PAX3: variants seen among roughly 807,000 people sequenced by gnomAD.
PAX3 encodes paired box protein Pax-3.
Under a neutral mutation model 51.6 loss-of-function variants are expected in PAX3, and 14 were observed. The observed-to-expected ratio is 0.27, with a 90% confidence interval of 0.18 to 0.42. The LOEUF is 0.42. Among genes scored for constraint, PAX3 ranks in the 10% least tolerant of loss-of-function variants. PAX3 has a pLI of 1.00. For missense variants in PAX3, 540 were observed against 642.8 expected (o/e 0.84, Z 1.73); for synonymous variants, 280 against 253.4 (o/e 1.11, Z -1.00).
chr2:222,224,705 A>G (rs148878997), intron 5 of PAX3, among the ~76,000 whole-genome samples: 313 of 152,344 alleles, frequency 2.1e-3, no homozygotes, highest in African/African-American at 7.0e-3. Context: ...AGTCTTAGAT[A>G]ACTCTTTCAA....
intron 4 of PAX3, among the ~76,000 whole-genome samples, chr2:222,280,468 GTTTAGTTTCAATTT>G (rs1694607643): frequency 6.6e-6 from 1 of 152,064 alleles, no homozygotes; most frequent in African/African-American, 2.4e-5. Context: ...CTGTGCAATG[GTTTAGTTTCAATTT>G]TCCTAAAAAG....
At chr2:222,257,880 T>C (rs1693707577) in intron 4 of PAX3, among the ~76,000 whole-genome samples, 2 of 151,802 alleles carry the variant, frequency 1.3e-5, no homozygotes, top group Admixed American at 1.3e-4. Flanking sequence ...GCTCAGGGAG[T>C]TCCCACACCA....
intron 7 of PAX3, among the ~76,000 whole-genome samples, chr2:222,218,901 G>A (rs965028234): frequency 5.3e-5 from 8 of 152,052 alleles, no homozygotes; most frequent in South Asian, 2.1e-4. Context: ...GCCTTTAGGC[G>A]GAAATGTTTA....
intron 7 of PAX3, among the ~76,000 whole-genome samples, chr2:222,203,872 CA>C (rs45459201): frequency 0.056 from 8,497 of 152,208 alleles, 798 homozygotes; most frequent in African/African-American, 0.19. Flanking sequence ...TCCATTTTAA[CA>C]GAAAATTTGA....
chr2:222,272,219 C>G (rs1465529917), intron 4 of PAX3, among the ~76,000 whole-genome samples: 1 of 152,160 alleles, frequency 6.6e-6, no homozygotes, highest in African/African-American at 2.4e-5. Context: ...GTGCAGCAAG[C>G]CGTTCTGAAA....
Position 222,298,700 on chromosome 2 carries a change from AT to A in PAX3, c.-86del. ...GCGGCGCGGATGACCCTCGGGAACTATCCGGAGCGTGGAGAGCCCCTCCCCA... is the reference window on the plus strand; with the variant it reads ...GCGGCGCGGATGACCCTCGGGAACTACCGGAGCGTGGAGAGCCCCTCCCCA... On this transcript the variant is annotated 5_prime_UTR_variant, in exon 1 of 9. Transcript: ENST00000392070. 1 of 1,337,966 alleles carries A rather than the reference AT, an allele frequency of 7.5e-7. No homozygotes were observed. The highest frequency in any genetic ancestry group is 2.5e-5 in the East Asian group (1 of 39,986). The allele number at this position is 1,337,966 out of a possible 1,614,324, so 82.9% of individuals were successfully genotyped here. A position where few individuals can be genotyped will look rare whatever the true frequency, so the allele number is the denominator to read the frequency against.
intron 4 of PAX3, among the ~76,000 whole-genome samples, chr2:222,234,679 C>A (rs1234209383): frequency 6.6e-6 from 1 of 152,086 alleles, no homozygotes; most frequent in Admixed American, 6.6e-5. Flanking sequence ...CTGATTCTAC[C>A]GACCCCAGAT....
chr2:222,280,369 T>G (rs1427233197), intron 4 of PAX3, among the ~76,000 whole-genome samples: 422 of 65,944 alleles, frequency 6.4e-3, no homozygotes, highest in East Asian at 0.011. Flanking sequence ...AAGAGAGAAA[T>G]AAAGGGGAAG....
chr2:222,221,562 G>A lies in PAX3; in HGVS notation c.793-175C>T, dbSNP rs572127340. ...TTGTCAGGAGTAAAAGAAGAGTTTA[G>A]TGTCAAAGGTCAGTAGAGGGGCTTC... On this transcript the variant is annotated intron_variant, in intron 5 of 8. Coordinates refer to ENST00000392070, the MANE Select transcript of PAX3 (RefSeq NM_181458.4). The A allele has an allele frequency of 1.1e-3, 716 of 642,328 alleles. 10 individuals carry two copies. In the South Asian group the frequency reaches 0.012, roughly 11 times the overall value. 39.8% of individuals were successfully genotyped at this position (642,328 alleles called of 1,614,324 possible).
Position 222,220,285 on chromosome 2 carries a change from G to C in PAX3, c.1028C>G (p.Thr343Arg). The C allele has an allele frequency of 1.2e-6, 2 of 1,614,100 alleles. No homozygotes were observed. Among genetic ancestry groups the C allele is most frequent in the Non-Finnish European group, 1.7e-6 (2 of 1,179,974 alleles). The change falls in exon 7 of 9, where the codon ACG becomes AGG. Residue 343 changes from threonine to arginine, a missense_variant. Physicochemically the swap from Thr to Arg is moderately conservative, Grantham distance 71. Around this residue, in one of 3 missense-constraint regions of PAX3, gnomAD observed 427 missense variants for 483.6 expected, o/e 0.88. Transcript: ENST00000392070. Reference protein sequence around the residue: ...PLPPSTVHQSTIPSNPDSSSA... With the variant: ...PLPPSTVHQSRIPSNPDSSSA... ...GCTGCTGTCTGGGTTGGAAGGAATC[G>C]TGCTTTGGTGTACAGTGCTTGGAGG...
intron 7 of PAX3, among the ~76,000 whole-genome samples, chr2:222,219,159 G>C (rs1692085487): frequency 6.6e-6 from 1 of 152,154 alleles, no homozygotes; most frequent in Non-Finnish European, 1.5e-5. Context: ...TCAGTGATTA[G>C]TGTGTAATTG....
chr2:222,294,439 C>CCTGCATCT, intron 3 of PAX3, 138 bp from the exon 4 acceptor site: 1 of 866,760 alleles, frequency 1.2e-6, no homozygotes. Context: ...GGTGTCTCCT[C>CCTGCATCT]CTGCATCTCT....
chr2:222,277,592 C>G (rs992599743), intron 4 of PAX3, among the ~76,000 whole-genome samples: 1 of 152,112 alleles, frequency 6.6e-6, no homozygotes, highest in Non-Finnish European at 1.5e-5. Flanking sequence ...CCATATGCAG[C>G]CCTGGATGCT....
intron 5 of PAX3, among the ~76,000 whole-genome samples, chr2:222,230,614 T>G (rs1692553624): frequency 6.6e-6 from 1 of 152,100 alleles, no homozygotes; most frequent in Non-Finnish European, 1.5e-5. Flanking sequence ...CCCAGCACTT[T>G]GGGAGGCCAA....
Position 222,298,740 on chromosome 2 carries a change from G to T in PAX3, c.-125C>A. ...AGCCCCTCCCCAAAACGGCTGGAGA[G>T]AGAGGGAGGGACGCGGGGAGGGGGG... On this transcript the variant is annotated 5_prime_UTR_variant, in exon 1 of 9. Transcript: ENST00000392070. 1.1e-6 allele frequency: 1 copy of T among 909,546 alleles called. No individual in the cohort carries two copies. 56.3% of individuals were successfully genotyped at this position (909,546 alleles called of 1,614,324 possible).
chr2:222,237,387 T>C (rs1051081220), intron 4 of PAX3, among the ~76,000 whole-genome samples: 7 of 144,044 alleles, frequency 4.9e-5, no homozygotes, highest in Admixed American at 2.1e-4. Flanking sequence ...ATAACAGAAA[T>C]GAACAAAAAC....
At chr2:222,291,662 C>T (rs1165523177) in intron 4 of PAX3, among the ~76,000 whole-genome samples, 28 of 152,162 alleles carry the variant, frequency 1.8e-4, no homozygotes. Flanking sequence ...GGCAAGAATA[C>T]ACCACACTGG....
intron 4 of PAX3, among the ~76,000 whole-genome samples, chr2:222,258,141 G>A (rs927654609): frequency 4.6e-5 from 7 of 152,054 alleles, no homozygotes; most frequent in Non-Finnish European, 8.8e-5. Flanking sequence ...AAGCAAACCC[G>A]AAAAAGATGA....
chr2:222,253,934 A>T (rs1435440111), intron 4 of PAX3, among the ~76,000 whole-genome samples: 1 of 152,136 alleles, frequency 6.6e-6, no homozygotes, highest in Non-Finnish European at 1.5e-5. Context: ...GGGAATATAG[A>T]CATGAGCCAC....
Sources: allele counts gnomAD v4.1 joint callset (sites outside exome capture counted in the v4.1 genomes callset), GRCh38; gene constraint gnomAD v4.1.1; regional missense constraint gnomAD v4.1.1; transcripts MANE v1.5; gene names NCBI Gene and HGNC (gene_info 2026-07-23, HGNC 2026-07-21).